Variants in AFF4 observed in about 807,000 individuals in gnomAD.
AFF4 encodes the protein ALF transcription elongation factor 4, also known as AF4/FMR2 family member 4.
AFF4 carries 13 observed loss-of-function variants against 124.8 expected under a neutral mutation model. The observed-to-expected ratio is 0.10, with a 90% CI of 0.07 to 0.17. The LOEUF (loss-of-function observed/expected upper bound fraction) is 0.17. Among genes scored for constraint, AFF4 ranks in the 10% least tolerant of loss-of-function variants. The pLI is 1.00. For missense variants in AFF4, 1,092 were observed against 1,403.8 expected (o/e 0.78, Z 3.55); for synonymous variants, 477 against 496.1 (o/e 0.96, Z 0.51).
intron 19 of AFF4, among the ~76,000 whole-genome samples, chr5:132,884,236 A>G (rs1191127148): frequency 2.6e-5 from 4 of 152,212 alleles, no homozygotes. Context: ...AAACTTGTGT[A>G]TACACATATA....
chr5:132,932,586 C>A (rs1761325892), intron 3 of AFF4, among the ~76,000 whole-genome samples: 1 of 152,122 alleles, frequency 6.6e-6, no homozygotes, highest in South Asian at 2.1e-4. Flanking sequence ...TTCACATAAA[C>A]AAAGTTAACC....
intron 4 of AFF4, 27 bp downstream of exon 4, chr5:132,932,151 T>C (rs1167595983): frequency 3.2e-6 from 5 of 1,553,478 alleles, no homozygotes; most frequent in African/African-American, 1.4e-5. Flanking sequence ...TTAAAGAAAT[T>C]GAAATGATTT....
intron 13 of AFF4, among the ~76,000 whole-genome samples, chr5:132,890,184 A>T (rs1204538190): frequency 6.6e-6 from 1 of 151,282 alleles, no homozygotes; most frequent in Non-Finnish European, 1.5e-5. Flanking sequence ...AAAATATAAA[A>T]TTTTTAAATA....
rs1245402185 is a variant in AFF4 at position 132,879,345 on chromosome 5, T to C, written c.*1714A>G. 1.4e-5 allele frequency: 3 copies of C among 212,494 alleles called. No homozygotes were observed. The highest frequency in any genetic ancestry group is 2.9e-5 in the Non-Finnish European group (3 of 104,912). 13.2% of individuals were successfully genotyped at this position (212,494 alleles called of 1,614,324 possible). On this transcript the variant is annotated 3_prime_UTR_variant, in exon 21 of 21. Coordinates refer to ENST00000265343, the MANE Select transcript of AFF4 (RefSeq NM_014423.4). ...TTCCTATTTCAAGCCTTAGCAATCA[T>C]CTACAAATAGTAGGATAATCTTTTT...
In AFF4 at chr5:132,912,649, T is replaced by C. The variant is rs558424029; in HGVS notation, c.1051-8245A>G. Reference sequence around the variant, plus strand: ...GTGCTAGGATTATAGGTGTGAGCCATTGCGCCCAGCCTAAAAGATAATATA... The same window carrying C: ...GTGCTAGGATTATAGGTGTGAGCCACTGCGCCCAGCCTAAAAGATAATATA... On this transcript the variant is annotated intron_variant, in intron 5 of 20. Coordinates refer to ENST00000265343, the MANE Select transcript of AFF4 (RefSeq NM_014423.4). Among the ~76,000 whole-genome samples, 11 of 152,152 alleles carry C rather than the reference T, an allele frequency of 7.2e-5. No individual in the cohort carries two copies. The East Asian group carries it at 7.7e-4, about 11-fold the overall frequency.
At position 132,880,044 on chromosome 5, in the gene AFF4, A is replaced by G; in HGVS notation, c.*1015T>C. The stretch of plus-strand genomic sequence containing the variant: ...TGCATGCTCATATCAGAGCATCACA[A>G]TCCAGTATGAGGGGGAAAAATCTGA... On this transcript the variant is annotated 3_prime_UTR_variant, in exon 21 of 21. Coordinates refer to ENST00000265343, the MANE Select transcript of AFF4 (RefSeq NM_014423.4). 2.5e-6 allele frequency: 1 copy of G among 394,412 alleles called. No homozygotes were observed. The highest frequency in any genetic ancestry group is 1.4e-4 in the South Asian group (1 of 6,990). The allele number at this position is 394,412 out of a possible 1,614,324, so 24.4% of individuals were successfully genotyped here.
intron 5 of AFF4, among the ~76,000 whole-genome samples, chr5:132,905,702 T>C (rs949549415): frequency 6.6e-6 from 1 of 152,060 alleles, no homozygotes; most frequent in Non-Finnish European, 1.5e-5. Context: ...GACCTATAAA[T>C]GTAAAAGCTA....
At position 132,877,085 on chromosome 5, in the gene AFF4, T is replaced by C. The variant is rs919954812; in HGVS notation, c.*3974A>G. On this transcript the variant is annotated 3_prime_UTR_variant, in exon 21 of 21. Transcript: ENST00000265343. ...TGTATTAGGGGATATACAGGTATGA[T>C]AGGTGTCTATATGGGTTTGAAATGC... 4.4e-5 allele frequency: 9 copies of C among 203,686 alleles called. No homozygotes were observed. The highest frequency in any genetic ancestry group is 6.1e-5 in the Non-Finnish European group (6 of 99,010). The allele number at this position is 203,686 out of a possible 1,614,324, so 12.6% of individuals were successfully genotyped here. A position where few individuals can be genotyped will look rare whatever the true frequency, so the allele number is the denominator to read the frequency against.
At chr5:132,961,348 C>G (rs952675422) in intron 1 of AFF4, among the ~76,000 whole-genome samples, 2 of 152,086 alleles carry the variant, frequency 1.3e-5, no homozygotes, top group African/African-American at 2.4e-5. Flanking sequence ...TCTCAAGTAG[C>G]TAGAACTACA....
At chr5:132,884,543 T>C (rs1414775704) in intron 19 of AFF4, among the ~76,000 whole-genome samples, 1 of 152,166 alleles carries the variant, frequency 6.6e-6, no homozygotes, top group Non-Finnish European at 1.5e-5. Flanking sequence ...CCCGGCTTGT[T>C]TGTATTTTTA....
Position 132,898,346 on chromosome 5 carries a change from T to G in AFF4, c.1273A>C (p.Arg425=), listed in dbSNP as rs1416375824. 19 of 1,614,122 alleles carry G rather than the reference T, an allele frequency of 1.2e-5. No individual in the cohort carries two copies. Among genetic ancestry groups the G allele is most frequent in the Non-Finnish European group, 1.5e-5 (18 of 1,180,040 alleles). Residue 425 remains arginine, a synonymous_variant, in exon 10 of 21, where the codon AGG becomes CGG. Coordinates refer to ENST00000265343, the MANE Select transcript of AFF4 (RefSeq NM_014423.4). The part of the protein sequence containing the change: ...HHNSEGADNS[R]DDSSSHSGSE... ...CCACTGTGGCTACTAGAATCATCCC[T>G]GGAGTTATCTGCTCCTTCACTATTA...
intron 5 of AFF4, among the ~76,000 whole-genome samples, chr5:132,921,407 T>A (rs1274365163): frequency 6.6e-6 from 1 of 151,754 alleles, no homozygotes. Context: ...CATATACCAT[T>A]GGCAGGAATA....
intron 5 of AFF4, among the ~76,000 whole-genome samples, chr5:132,925,722 A>T (rs1761155244): frequency 6.6e-6 from 1 of 152,230 alleles, no homozygotes; most frequent in Non-Finnish European, 1.5e-5. Flanking sequence ...TGCCATTTTT[A>T]CTCAAAACAC....
intron 1 of AFF4, among the ~76,000 whole-genome samples, chr5:132,956,703 AATG>A (rs1480307525): frequency 1.3e-5 from 2 of 151,914 alleles, no homozygotes; most frequent in East Asian, 1.9e-4. Flanking sequence ...TGCTAAAAAA[AATG>A]ATTTTTCTCC....
rs1004855024 is a variant in AFF4 at position 132,878,594 on chromosome 5, T to A, written c.*2465A>T. 3 of 230,062 alleles carry A rather than the reference T, an allele frequency of 1.3e-5. No individual in the cohort carries two copies. The highest frequency in any genetic ancestry group is 4.4e-5 in the African/African-American group (2 of 45,128). 14.3% of individuals were successfully genotyped at this position (230,062 alleles called of 1,614,324 possible). A position where few individuals can be genotyped will look rare whatever the true frequency, so the allele number is the denominator to read the frequency against. ...GAAAGGGAGTAGTATTTCCACACAC[T>A]ATGACATTGAAAATTCAATCATTTA... is the stretch of plus-strand genomic sequence containing the variant. On this transcript the variant is annotated 3_prime_UTR_variant, in exon 21 of 21. Coordinates refer to ENST00000265343, the MANE Select transcript of AFF4 (RefSeq NM_014423.4).
chr5:132,932,100 A>G (rs1394528854), intron 4 of AFF4, 78 bp downstream of exon 4: 3 of 976,352 alleles, frequency 3.1e-6, no homozygotes, highest in Non-Finnish European at 4.5e-6. Context: ...TTTGTGAAAT[A>G]CAGGTAGAAA....
At chr5:132,919,104 A>G (rs1372161214) in intron 5 of AFF4, among the ~76,000 whole-genome samples, 1 of 151,932 alleles carries the variant, frequency 6.6e-6, no homozygotes, top group Non-Finnish European at 1.5e-5. Context: ...GCCAGGCTAG[A>G]CTCAAACTCC....
chr5:132,915,744 T>C (rs1399659867), intron 5 of AFF4, among the ~76,000 whole-genome samples: 3 of 151,560 alleles, frequency 2.0e-5, no homozygotes, highest in Non-Finnish European at 4.4e-5. Context: ...ATTTTTGTAT[T>C]TTTAGTAGAG....
At chr5:132,921,305 A>G (rs778493243) in intron 5 of AFF4, among the ~76,000 whole-genome samples, 3 of 152,126 alleles carry the variant, frequency 2.0e-5, no homozygotes, top group Non-Finnish European at 2.9e-5. Flanking sequence ...TGAAATCACA[A>G]TGAGGTACCA....
Sources: gnomAD v4.1 joint callset for allele counts (sites outside exome capture counted in the v4.1 genomes callset) on GRCh38, gnomAD v4.1.1 for gene constraint, MANE v1.5 for transcripts, NCBI Gene and HGNC (gene_info 2026-07-23, HGNC 2026-07-21) for gene names.